Variants in CDH26 observed in about 807,000 individuals in gnomAD.
CDH26 encodes cadherin-like protein 26.
Under a neutral mutation model 90.3 loss-of-function variants are expected in CDH26, and 83 were observed. The observed-to-expected ratio is 0.92, with a 90% CI of 0.77 to 1.10. The LOEUF is 1.10. CDH26 is among the 50% of genes least tolerant of loss of function. The probability of loss-of-function intolerance (pLI) is 0.00; values close to 1 mark genes in which losing one functional copy is unlikely to be tolerated. For synonymous variants in CDH26, 397 were observed against 396.3 expected (o/e 1.00, Z -0.02); for missense variants, 1,013 against 1,037.6 (o/e 0.98, Z 0.33).
intron 3 of CDH26, 91 bp downstream of exon 3, chr20:59,970,277 G>A: frequency 6.6e-7 from 1 of 1,521,638 alleles, no homozygotes; most frequent in Non-Finnish European, 8.8e-7. Flanking sequence ...GAAAGGTTAT[G>A]TGCTAGTGAG....
intron 17 of CDH26, among the ~76,000 whole-genome samples, chr20:60,009,483 C>CT (rs761744495): frequency 3.9e-4 from 60 of 152,326 alleles, no homozygotes; most frequent in Middle Eastern, 6.8e-3. Context: ...GCCAAGTGGA[C>CT]TGTGTGGACA....
Position 59,982,931 on chromosome 20 carries a change from T to G in CDH26, c.402T>G (p.Phe134Leu). ...AGCTCTCTGCTTCCTAGGTTTATTT[T>G]GATGTTGTGGAGCGCTCAACAGGAA... ...REMTPSFTVY[F>L]DVVERSTGKI... Residue 134 changes from phenylalanine to leucine, a missense_variant, in exon 5 of 18, where the codon TTT becomes TTG. By Grantham distance (22) the Phe-to-Leu change is conservative. Coordinates refer to ENST00000348616, the MANE Select transcript of CDH26 (RefSeq NM_177980.4). The G allele has an allele frequency of 1.2e-6, 2 of 1,613,526 alleles. No homozygotes were observed. Among genetic ancestry groups the G allele is most frequent in the Non-Finnish European group, 8.5e-7 (1 of 1,179,726 alleles).
At chr20:59,993,111 A>G (rs796828238) in intron 10 of CDH26, among the ~76,000 whole-genome samples, 21 of 152,320 alleles carry the variant, frequency 1.4e-4, no homozygotes, top group African/African-American at 5.1e-4. Flanking sequence ...CCATTCTGTA[A>G]TTAACTAGTG....
chr20:59,998,419 A>G (rs575018053), intron 13 of CDH26, among the ~76,000 whole-genome samples: 1 of 152,286 alleles, frequency 6.6e-6, no homozygotes, highest in Non-Finnish European at 1.5e-5. Flanking sequence ...GGAAGCAGCT[A>G]TGGAAGCAGT....
chr20:60,018,069 A>T (rs542442095), downstream of CDH26, among the ~76,000 whole-genome samples: 2 of 152,066 alleles, frequency 1.3e-5, no homozygotes, highest in African/African-American at 4.8e-5. Context: ...GATGAAAAAA[A>T]TGTGTATTCC....
chr20:59,996,121 G>A lies in CDH26; in HGVS notation c.1888+67G>A, dbSNP rs373583502. On this transcript the variant is annotated intron_variant, in intron 12 of 17. Transcript: ENST00000348616. ...CCCCAGGCAATAGGCCAGGGGTAAG[G>A]GGCTTGCTGGGGTAGGGGACAGCGG... 2.1e-5 allele frequency: 31 copies of A among 1,487,018 alleles called. No homozygotes were observed. In the African/African-American group the frequency reaches 2.5e-4, roughly 12 times the overall value. The allele number at this position is 1,487,018 out of a possible 1,614,324, so 92.1% of individuals were successfully genotyped here.
At chr20:59,981,901 T>A (rs2061399379) in intron 4 of CDH26, among the ~76,000 whole-genome samples, 1 of 152,124 alleles carries the variant, frequency 6.6e-6, no homozygotes, top group Non-Finnish European at 1.5e-5. Flanking sequence ...TTTTTGTTTT[T>A]ATTTCTTGAA....
intron 17 of CDH26, among the ~76,000 whole-genome samples, chr20:60,010,910 G>A (rs760277060): frequency 6.6e-6 from 1 of 152,234 alleles, no homozygotes; most frequent in Non-Finnish European, 1.5e-5. Flanking sequence ...TGGAAATGGG[G>A]CTGGAGGACA....
At chr20:59,988,700 G>A (rs2061488029) in intron 8 of CDH26, among the ~76,000 whole-genome samples, 1 of 152,008 alleles carries the variant, frequency 6.6e-6, no homozygotes, top group South Asian at 2.1e-4. Context: ...CAGAGGAGGA[G>A]GGAAAAAATA....
At chr20:59,967,231 C>T (rs747108664) in intron 1 of CDH26, among the ~76,000 whole-genome samples, 18 of 152,054 alleles carry the variant, frequency 1.2e-4, no homozygotes, top group Non-Finnish European at 1.6e-4. Context: ...TTATCTGTAA[C>T]GATTTACATC....
At chr20:59,989,287 G>T in intron 9 of CDH26, 124 bp downstream of exon 9, 2 of 1,242,858 alleles carry the variant, frequency 1.6e-6, no homozygotes, top group Non-Finnish European at 2.2e-6. Context: ...CCAGCGCTTT[G>T]GGAGGCCGAG....
intron 7 of CDH26, among the ~76,000 whole-genome samples, chr20:59,985,709 G>T (rs1384018041): frequency 6.6e-6 from 1 of 152,156 alleles, no homozygotes; most frequent in Non-Finnish European, 1.5e-5. Context: ...AGTGACTTAA[G>T]CTAGAATCAA....
At chr20:60,000,076 A>G (rs2061655846) in intron 14 of CDH26, among the ~76,000 whole-genome samples, 1 of 152,178 alleles carries the variant, frequency 6.6e-6, no homozygotes, top group Non-Finnish European at 1.5e-5. Flanking sequence ...TTTTACTTGT[A>G]TAAAGAGCAG....
chr20:59,979,312 C>A (rs965885846), intron 4 of CDH26, among the ~76,000 whole-genome samples: 3 of 151,556 alleles, frequency 2.0e-5, no homozygotes, highest in African/African-American at 7.3e-5. Flanking sequence ...AATTCTCCTG[C>A]CTCAGTCTAC....
At chr20:60,010,315 G>A (rs1005891576) in intron 17 of CDH26, among the ~76,000 whole-genome samples, 2 of 152,132 alleles carry the variant, frequency 1.3e-5, no homozygotes, top group African/African-American at 4.8e-5. Context: ...TTGGGCTTGA[G>A]CCCCAGGATT....
chr20:59,984,860 C>T, intron 6 of CDH26, 55 bp downstream of exon 6: 1 of 1,575,276 alleles, frequency 6.3e-7, no homozygotes, highest in Non-Finnish European at 8.6e-7. Flanking sequence ...ATCCTTGAGC[C>T]CCAGGCTTAG....
downstream of CDH26, among the ~76,000 whole-genome samples, chr20:60,015,820 C>G (rs111345697): frequency 8.4e-4 from 128 of 152,224 alleles, no homozygotes; most frequent in African/African-American, 2.9e-3. Flanking sequence ...AGAGGGGAGT[C>G]TAGTTTCATT....
intron 1 of CDH26, among the ~76,000 whole-genome samples, chr20:59,961,452 T>C (rs1173554454): frequency 6.6e-6 from 1 of 152,210 alleles, no homozygotes; most frequent in South Asian, 2.1e-4. Context: ...CCTTTAACTC[T>C]TAAAGAGCTT....
At chr20:60,011,743 T>A (rs1219354606) in intron 17 of CDH26, among the ~76,000 whole-genome samples, 1 of 152,140 alleles carries the variant, frequency 6.6e-6, no homozygotes, top group Non-Finnish European at 1.5e-5. Flanking sequence ...GCACTGCACT[T>A]GGCGAGCATT....
Sources: gnomAD v4.1 joint callset for allele counts (sites outside exome capture counted in the v4.1 genomes callset) on GRCh38, gnomAD v4.1.1 for gene constraint, MANE v1.5 for transcripts, NCBI Gene and HGNC (gene_info 2026-07-23, HGNC 2026-07-21) for gene names.